Variants in TMEM132B observed in about 807,000 individuals in gnomAD.
The protein encoded by TMEM132B is transmembrane protein 132B.
In TMEM132B, 18 loss-of-function variants were observed where a neutral mutation model predicts 90.8. The observed-to-expected ratio is 0.20, with a 90% confidence interval of 0.14 to 0.29. The LOEUF (loss-of-function observed/expected upper bound fraction) is 0.29, where lower values mean the gene tolerates loss of function less well. Among genes scored for constraint, TMEM132B ranks in the 10% least tolerant of loss-of-function variants. TMEM132B has a pLI of 1.00. For synonymous variants in TMEM132B, 504 were observed against 523.3 expected (o/e 0.96, Z 0.50); for missense variants, 1,096 against 1,326.8 (o/e 0.83, Z 2.70).
At chr12:125,287,742 GCCAGAATTATA>G (rs1381299431) in intron 1 of TMEM132B, among the ~76,000 whole-genome samples, 2 of 130,446 alleles carry the variant, frequency 1.5e-5, no homozygotes, top group African/African-American at 6.1e-5. Context: ...AAATGCACAT[GCCAGAATTATA>G]CCTTCCCTTC....
chr12:125,421,690 C>A (rs76925026), intron 3 of TMEM132B, among the ~76,000 whole-genome samples: 2,729 of 152,270 alleles, frequency 0.018, 76 homozygotes, highest in African/African-American at 0.062. Flanking sequence ...AATATTATAA[C>A]CATTTGAGCA....
chr12:125,499,710 C>G (rs1882647497), intron 3 of TMEM132B, among the ~76,000 whole-genome samples: 1 of 152,158 alleles, frequency 6.6e-6, no homozygotes, highest in African/African-American at 2.4e-5. Context: ...CTGAGAATTT[C>G]TGGTCTAACC....
At chr12:125,321,594 C>G (rs1876427009) in intron 1 of TMEM132B, among the ~76,000 whole-genome samples, 2 of 151,844 alleles carry the variant, frequency 1.3e-5, no homozygotes, top group Non-Finnish European at 2.9e-5. Context: ...TCCTCTGCCT[C>G]AGCCTCCCAA....
At position 125,406,639 on chromosome 12, in the gene TMEM132B, G is replaced by A. The variant is rs979670411; in HGVS notation, c.960-8892G>A. On this transcript the variant is annotated intron_variant, in intron 2 of 8. Transcript: ENST00000682704. This position sits in a 1 kb window ranked among gnomAD's most constrained non-coding sequence, Gnocchi z 8.3. ...ATAAAAATATTTCACAGTCTTGATGGCGTGAGTTCTAATTGCACGCTTCCT... is the reference window on the plus strand; with the variant it reads ...ATAAAAATATTTCACAGTCTTGATGACGTGAGTTCTAATTGCACGCTTCCT... Among the ~76,000 whole-genome samples, 3 of 152,130 alleles carry A rather than the reference G, an allele frequency of 2.0e-5. No homozygotes were observed. Among genetic ancestry groups the A allele is most frequent in the Non-Finnish European group, 2.9e-5 (2 of 68,018 alleles).
chr12:125,318,000 G>C lies in TMEM132B; in HGVS notation c.68-31452G>C, dbSNP rs78375662. Reference sequence around the variant, plus strand: ...GATCCATATGGTATTTCCATACAATGGGATACCAAATAGTAGCAAAGTGAG... The same window carrying C: ...GATCCATATGGTATTTCCATACAATCGGATACCAAATAGTAGCAAAGTGAG... On this transcript the variant is annotated intron_variant, in intron 1 of 8. Coordinates refer to ENST00000682704, the MANE Select transcript of TMEM132B (RefSeq NM_001366854.1). 2.1e-3 allele frequency among the ~76,000 whole-genome samples: 324 copies of C among 152,294 alleles called. 9 individuals are homozygous for C. In the East Asian group the frequency reaches 0.049, roughly 23 times the overall value.
intron 4 of TMEM132B, among the ~76,000 whole-genome samples, chr12:125,563,566 A>AAAACAAACAAACAAACAAAC (rs55666916): frequency 2.7e-5 from 4 of 145,584 alleles, no homozygotes; most frequent in African/African-American, 1.0e-4. Flanking sequence ...CTCTGTCTCA[A>AAAACAAACAAACAAACAAAC]AAACAAACAA....
At chr12:125,217,750 G>A (rs1412736545) in intron 1 of TMEM132B, among the ~76,000 whole-genome samples, 1 of 152,160 alleles carries the variant, frequency 6.6e-6, no homozygotes, top group East Asian at 1.9e-4. Context: ...TACCACGCCT[G>A]GCCTTCCTTC....
intron 1 of TMEM132B, among the ~76,000 whole-genome samples, chr12:125,216,940 G>A (rs903706167): frequency 5.3e-5 from 8 of 152,212 alleles, no homozygotes; most frequent in Admixed American, 3.3e-4. Context: ...CTGCGATCTT[G>A]GCGCTTCACA....
intron 1 of TMEM132B, among the ~76,000 whole-genome samples, chr12:125,194,403 C>T (rs1213140754): frequency 6.6e-6 from 1 of 152,124 alleles, no homozygotes; most frequent in Non-Finnish European, 1.5e-5. Flanking sequence ...CTCAACACAT[C>T]ACAGCAAATG....
chr12:125,427,433 G>A (rs1316021786), intron 3 of TMEM132B, among the ~76,000 whole-genome samples: 11 of 152,224 alleles, frequency 7.2e-5, no homozygotes, highest in Non-Finnish European at 1.5e-4. Context: ...GTGGACCTGG[G>A]ATTTGAACCC....
intron 2 of TMEM132B, among the ~76,000 whole-genome samples, chr12:125,374,149 G>C (rs1356018126): frequency 6.6e-6 from 1 of 152,210 alleles, no homozygotes; most frequent in African/African-American, 2.4e-5. Flanking sequence ...CCACTCCTTG[G>C]CAGATGTGTG....
chr12:125,584,162 C>T (rs1885122963), intron 5 of TMEM132B, 168 bp downstream of exon 5: 3 of 910,556 alleles, frequency 3.3e-6, no homozygotes, highest in Admixed American at 4.1e-5. Flanking sequence ...TCCCTGGAAT[C>T]AGCAGGCGGC....
intron 2 of TMEM132B, among the ~76,000 whole-genome samples, chr12:125,405,672 C>T (rs1227042565): frequency 2.0e-5 from 3 of 152,170 alleles, no homozygotes; most frequent in Non-Finnish European, 4.4e-5. Flanking sequence ...CCTGCCTCCA[C>T]CTTGTGATTT....
In TMEM132B at chr12:125,246,271, C is replaced by T. The variant is rs1445460818; in HGVS notation, c.67+59405C>T. 1.3e-5 allele frequency among the ~76,000 whole-genome samples: 2 copies of T among 152,206 alleles called. No individual in the cohort carries two copies. Among genetic ancestry groups the T allele is most frequent in the Non-Finnish European group, 2.9e-5 (2 of 68,038 alleles). ...CTGTCAGTGTGAGCTTAGCTGGTGG[C>T]CCCTCCTTTCCCCGCCTTCCCTGCC... On this transcript the variant is annotated intron_variant, in intron 1 of 8. Coordinates refer to ENST00000682704, the MANE Select transcript of TMEM132B (RefSeq NM_001366854.1). The surrounding 1 kb of genome is among the most constrained non-coding windows in gnomAD (Gnocchi z 4.2).
At chr12:125,200,501 A>G (rs1873031281) in intron 1 of TMEM132B, among the ~76,000 whole-genome samples, 1 of 152,194 alleles carries the variant, frequency 6.6e-6, no homozygotes, top group Admixed American at 6.5e-5. Flanking sequence ...CATGGCACGC[A>G]TATAGCAAGG....
chr12:125,513,376 G>A (rs926362574), intron 3 of TMEM132B, among the ~76,000 whole-genome samples: 2 of 152,194 alleles, frequency 1.3e-5, no homozygotes, highest in African/African-American at 2.4e-5. Flanking sequence ...CAGCGAGAGC[G>A]TGCGTGTGCG....
chr12:125,418,392 T>G (rs531090233), intron 3 of TMEM132B, among the ~76,000 whole-genome samples: 4 of 152,128 alleles, frequency 2.6e-5, no homozygotes, highest in Admixed American at 6.5e-5. Context: ...ACTTCACATT[T>G]AGTATCTGAC....
chr12:125,322,332 C>A (rs1037894157), intron 1 of TMEM132B, among the ~76,000 whole-genome samples: 6 of 152,228 alleles, frequency 3.9e-5, no homozygotes, highest in African/African-American at 1.4e-4. Context: ...GTGAGGCCTC[C>A]CCAGCCATGT....
chr12:125,366,801 A>G (rs1566014881), intron 2 of TMEM132B, among the ~76,000 whole-genome samples: 1 of 152,190 alleles, frequency 6.6e-6, no homozygotes, highest in South Asian at 2.1e-4. Flanking sequence ...TCAATTACAC[A>G]TATACTAGAC....
Sources: allele counts gnomAD v4.1 joint callset (sites outside exome capture counted in the v4.1 genomes callset), GRCh38; gene constraint gnomAD v4.1.1; non-coding constraint Gnocchi (gnomAD v3.1); transcripts MANE v1.5; gene names NCBI Gene and HGNC (gene_info 2026-07-23, HGNC 2026-07-21).